The following MAP7 variants were observed in gnomAD, a reference collection of about 807,000 sequenced individuals.
MAP7 encodes the protein microtubule associated protein 7, also known as ensconsin.
MAP7 carries 52 observed loss-of-function variants against 94.8 expected under a neutral mutation model. That is an observed-to-expected ratio of 0.55 (90% confidence interval 0.44 to 0.69). MAP7 has a LOEUF of 0.69. MAP7 is among the 30% of genes least tolerant of loss of function. MAP7 has a pLI of 0.00. For missense variants in MAP7, 940 were observed against 964.6 expected, an observed-to-expected ratio of 0.97 and a Z score of 0.34; for synonymous variants, 350 against 357.0, an observed-to-expected ratio of 0.98 and a Z score of 0.22.
intron 1 of MAP7, among the ~76,000 whole-genome samples, chr6:136,451,747 C>A (rs887612634): frequency 5.9e-5 from 9 of 152,146 alleles, no homozygotes. Flanking sequence ...AAAATGTCAA[C>A]ATTTACAGGA....
chr6:136,384,094 G>T (rs1244368101), intron 5 of MAP7, among the ~76,000 whole-genome samples: 1 of 152,174 alleles, frequency 6.6e-6, no homozygotes, highest in Non-Finnish European at 1.5e-5. Context: ...ACACTATGAA[G>T]CAAAAGAGGA....
chr6:136,498,345 T>C (rs576173229), intron 1 of MAP7, among the ~76,000 whole-genome samples: 1 of 151,856 alleles, frequency 6.6e-6, no homozygotes, highest in Non-Finnish European at 1.5e-5. Flanking sequence ...GTACATAGAG[T>C]AGCACAAGTA....
chr6:136,529,078 C>T (rs1453421479), intron 1 of MAP7, among the ~76,000 whole-genome samples: 1 of 152,064 alleles, frequency 6.6e-6, no homozygotes, highest in African/African-American at 2.4e-5. Flanking sequence ...TATGGTGAGA[C>T]CTTAAATTTA....
chr6:136,401,760 C>T (rs543009216), intron 3 of MAP7, among the ~76,000 whole-genome samples: 35 of 151,136 alleles, frequency 2.3e-4, no homozygotes, highest in African/African-American at 8.0e-4. Context: ...TGCACATGTA[C>T]CCAAGAACTT....
intron 1 of MAP7, among the ~76,000 whole-genome samples, chr6:136,530,746 C>T (rs1828415002): frequency 6.9e-6 from 1 of 145,202 alleles, no homozygotes; most frequent in African/African-American, 2.8e-5. Context: ...AATATCATCC[C>T]TTTGAAAGGA....
intron 1 of MAP7, among the ~76,000 whole-genome samples, chr6:136,521,837 T>C (rs746942909): frequency 1.3e-5 from 2 of 152,222 alleles, no homozygotes; most frequent in Non-Finnish European, 2.9e-5. Context: ...CAGATTAAAA[T>C]CTTGAAGCTA....
chr6:136,354,470 T>C (rs1175903798), intron 16 of MAP7, among the ~76,000 whole-genome samples: 2 of 146,362 alleles, frequency 1.4e-5, no homozygotes, highest in African/African-American at 2.5e-5. Flanking sequence ...AAAATATATA[T>C]AGTAGATATA....
At chr6:136,434,975 C>G (rs867114448) in intron 1 of MAP7, among the ~76,000 whole-genome samples, 3 of 152,208 alleles carry the variant, frequency 2.0e-5, no homozygotes, top group African/African-American at 7.2e-5. Context: ...CCATTTCAAA[C>G]AAGAGAATCC....
At chr6:136,434,035 G>T (rs754821923) in intron 1 of MAP7, among the ~76,000 whole-genome samples, 6 of 152,066 alleles carry the variant, frequency 3.9e-5, no homozygotes, top group African/African-American at 1.4e-4. Context: ...GGCTGGGCAC[G>T]GTGGCTCACA....
At chr6:136,534,929 A>G (rs1162640877) in intron 1 of MAP7, among the ~76,000 whole-genome samples, 1 of 152,174 alleles carries the variant, frequency 6.6e-6, no homozygotes, top group Admixed American at 6.5e-5. Context: ...TAAAGTACAT[A>G]GATCCGTACA....
At chr6:136,532,382 T>C (rs960707339) in intron 1 of MAP7, among the ~76,000 whole-genome samples, 1 of 151,956 alleles carries the variant, frequency 6.6e-6, no homozygotes, top group Non-Finnish European at 1.5e-5. Context: ...ATAGGAGACA[T>C]AACATAGAAG....
rs144839767 is a variant in MAP7 at position 136,394,931 on chromosome 6, CATATATATATAT to C, written c.245-5426_245-5415del. Among the ~76,000 whole-genome samples the C allele has an allele frequency of 5.7e-3, 157 of 27,498 alleles. 4 individuals are homozygous for C. The highest frequency in any genetic ancestry group is 0.049 in the East Asian group (40 of 822). The allele number at this position is 27,498 out of a possible 152,430, so 18.0% of individuals were successfully genotyped here. A position where few individuals can be genotyped will look rare whatever the true frequency, so the allele number is the denominator to read the frequency against. On this transcript the variant is annotated intron_variant, in intron 3 of 17. Transcript: ENST00000354570. ...TTTTTATGGTTGAATAATATTCCAT[CATATATATATAT>C]ATATATATATATATATATATATATA...
intron 1 of MAP7, among the ~76,000 whole-genome samples, chr6:136,424,589 C>G (rs1405881610): frequency 6.6e-6 from 1 of 152,186 alleles, no homozygotes; most frequent in African/African-American, 2.4e-5. Context: ...TTCTGCAGCT[C>G]CAGTAAGTGC....
At chr6:136,412,978 C>T (rs1371657849) in intron 2 of MAP7, among the ~76,000 whole-genome samples, 9 of 151,796 alleles carry the variant, frequency 5.9e-5, no homozygotes, top group Admixed American at 1.3e-4. Context: ...CTGAGCAACA[C>T]GGTGAAACCG....
chr6:136,388,506 C>T lies in MAP7; in HGVS notation c.413G>A (p.Arg138His), dbSNP rs77397071. The T allele has an allele frequency of 4.1e-5, 66 of 1,613,412 alleles. No homozygotes were observed. In the East Asian group the frequency reaches 6.7e-4, roughly 16 times the overall value. Residue 138 changes from arginine (R) to histidine (H), a missense_variant, in exon 5 of 18, where the codon CGC becomes CAC. Coordinates refer to ENST00000354570, the MANE Select transcript of MAP7 (RefSeq NM_003980.6). ...TGTGCGCCGTACAACAGCTTCGTGG[C>T]GTTCCTTAGATGGAATAGAAGAGCT... ...RRQRLEEDKERHEAVVRRTME... is the reference protein window; with the variant it reads ...RRQRLEEDKEHHEAVVRRTME...
At chr6:136,529,309 G>A (rs1485229678) in intron 1 of MAP7, among the ~76,000 whole-genome samples, 3 of 151,940 alleles carry the variant, frequency 2.0e-5, no homozygotes, top group Non-Finnish European at 4.4e-5. Context: ...TAGTAGAGAT[G>A]GGGTTTCACT....
At chr6:136,538,186 ATACACCTTGTAAATGGTCCTC>A (rs1475141783) in intron 1 of MAP7, among the ~76,000 whole-genome samples, 2 of 152,232 alleles carry the variant, frequency 1.3e-5, no homozygotes, top group Admixed American at 6.5e-5. Flanking sequence ...CACACCCAGG[ATACACCTTGTAAATGGTCCTC>A]TACAACTTAA....
intron 15 of MAP7, 116 bp from the exon 16 acceptor site, chr6:136,356,910 A>G: frequency 1.3e-6 from 1 of 761,106 alleles, no homozygotes; most frequent in South Asian, 1.6e-5. Flanking sequence ...AAGTGATGTG[A>G]GACCTTGGGC....
intron 3 of MAP7, among the ~76,000 whole-genome samples, chr6:136,409,702 C>T (rs1208827097): frequency 1.3e-5 from 2 of 152,204 alleles, no homozygotes; most frequent in Non-Finnish European, 2.9e-5. Context: ...ATGCCCCTGG[C>T]GCATACCCAC....
Sources: allele counts gnomAD v4.1 joint callset (sites outside exome capture counted in the v4.1 genomes callset), GRCh38; gene constraint gnomAD v4.1.1; transcripts MANE v1.5; gene names NCBI Gene and HGNC (gene_info 2026-07-23, HGNC 2026-07-21).